The following CTNNA3 variants were observed in gnomAD, a reference collection of about 807,000 sequenced individuals.
CTNNA3 encodes the protein catenin alpha 3.
CTNNA3 carries 76 observed loss-of-function variants against 95.7 expected under a neutral mutation model. The observed-to-expected ratio is 0.79, with a 90% CI of 0.66 to 0.96. The LOEUF (loss-of-function observed/expected upper bound fraction) is 0.96, where lower values mean the gene tolerates loss of function less well. Ranked by LOEUF, CTNNA3 falls within the 40% of genes least tolerant of loss-of-function variation. The probability of loss-of-function intolerance (pLI) is 0.00; values close to 1 mark genes in which losing one functional copy is unlikely to be tolerated. For synonymous variants in CTNNA3, 431 were observed against 374.4 expected (o/e 1.15, Z -1.74); for missense variants, 1,191 against 1,089.8 (o/e 1.09, Z -1.31).
At chr10:66,448,130 C>T (rs915662725) in intron 11 of CTNNA3, among the ~76,000 whole-genome samples, 2 of 152,014 alleles carry the variant, frequency 1.3e-5, no homozygotes, top group Non-Finnish European at 2.9e-5. Context: ...CAATGAGATA[C>T]CATCTCACAC....
At chr10:67,725,944 T>C (rs1251633597) in intron 1 of CTNNA3, among the ~76,000 whole-genome samples, 1 of 115,234 alleles carries the variant, frequency 8.7e-6, no homozygotes, top group Non-Finnish European at 1.7e-5. Flanking sequence ...TAATTATTTT[T>C]AGTATATGTA....
chr10:66,743,572 C>A (rs1013745552), intron 9 of CTNNA3, among the ~76,000 whole-genome samples: 2 of 152,016 alleles, frequency 1.3e-5, no homozygotes, highest in African/African-American at 4.8e-5. Context: ...AACTATAATC[C>A]ACCTAATTGG....
intron 12 of CTNNA3, among the ~76,000 whole-genome samples, chr10:66,308,681 A>G (rs1193923459): frequency 6.6e-6 from 1 of 152,200 alleles, no homozygotes; most frequent in East Asian, 1.9e-4. Context: ...CTATTTTTTC[A>G]TAATATATGA....
At chr10:66,893,703 T>C (rs1347650270) in intron 7 of CTNNA3, among the ~76,000 whole-genome samples, 1 of 152,158 alleles carries the variant, frequency 6.6e-6, no homozygotes, top group African/African-American at 2.4e-5. Context: ...GGAAACCTAA[T>C]GTACTCAAAT....
intron 7 of CTNNA3, among the ~76,000 whole-genome samples, chr10:66,929,855 T>C (rs1417692416): frequency 6.6e-6 from 1 of 152,202 alleles, no homozygotes; most frequent in Non-Finnish European, 1.5e-5. Context: ...TTAAGGTTTT[T>C]AGAAAGATAT....
At chr10:66,148,041 T>C (rs988701705) in intron 13 of CTNNA3, among the ~76,000 whole-genome samples, 3 of 151,772 alleles carry the variant, frequency 2.0e-5, no homozygotes, top group Admixed American at 6.6e-5. Context: ...ATTTCCTATA[T>C]CCTTGATTGT....
chr10:67,761,694 C>T (rs192902970), intron 1 of CTNNA3, among the ~76,000 whole-genome samples: 2 of 151,988 alleles, frequency 1.3e-5, no homozygotes, highest in Non-Finnish European at 1.5e-5. Context: ...CTGGCTAACA[C>T]AGTGAAACCC....
intron 13 of CTNNA3, among the ~76,000 whole-genome samples, chr10:66,160,238 T>C (rs926278182): frequency 2.0e-5 from 3 of 152,114 alleles, no homozygotes; most frequent in Non-Finnish European, 4.4e-5. Flanking sequence ...TGATTTGTTC[T>C]TGTTTCTCTA....
intron 7 of CTNNA3, among the ~76,000 whole-genome samples, chr10:67,053,525 T>C (rs554987859): frequency 6.6e-6 from 1 of 152,288 alleles, no homozygotes; most frequent in East Asian, 1.9e-4. Context: ...AAGCTTGAAA[T>C]AGAGTTAGCA....
upstream of CTNNA3, among the ~76,000 whole-genome samples, chr10:67,698,714 A>G (rs2133600394): frequency 6.6e-6 from 1 of 152,334 alleles, no homozygotes; most frequent in Non-Finnish European, 1.5e-5. Flanking sequence ...AAAGCTAGGA[A>G]TAATCCCTGT....
intron 13 of CTNNA3, among the ~76,000 whole-genome samples, chr10:66,110,360 T>TAAA (rs35402161): frequency 8.6e-5 from 9 of 104,864 alleles, no homozygotes; most frequent in South Asian, 6.6e-4. Flanking sequence ...AGACTCTGTC[T>TAAA]AAAAAAAAAA....
At chr10:67,445,554 C>G (rs1030195518) in intron 5 of CTNNA3, among the ~76,000 whole-genome samples, 1 of 152,080 alleles carries the variant, frequency 6.6e-6, no homozygotes, top group Non-Finnish European at 1.5e-5. Flanking sequence ...GAAGGCAGAG[C>G]CCTCATGACC....
At chr10:67,043,249 A>T (rs992893248) in intron 7 of CTNNA3, among the ~76,000 whole-genome samples, 27 of 151,690 alleles carry the variant, frequency 1.8e-4, no homozygotes, top group African/African-American at 5.8e-4. Context: ...CATCCCACAG[A>T]TGATGAATGG....
chr10:66,782,015 T>C (rs894529541), intron 7 of CTNNA3, among the ~76,000 whole-genome samples: 2 of 152,138 alleles, frequency 1.3e-5, no homozygotes, highest in Non-Finnish European at 2.9e-5. Flanking sequence ...AATATATCTG[T>C]TATGTAAGCT....
At chr10:66,539,474 T>C (rs1417313815) in intron 10 of CTNNA3, among the ~76,000 whole-genome samples, 1 of 152,154 alleles carries the variant, frequency 6.6e-6, no homozygotes, top group African/African-American at 2.4e-5. Context: ...CTGGTCTTTA[T>C]CAGTGTGAAA....
At chr10:67,673,780 G>A (rs542020567) in intron 1 of CTNNA3, among the ~76,000 whole-genome samples, 46 of 132,230 alleles carry the variant, frequency 3.5e-4, no homozygotes, top group Middle Eastern at 8.1e-3. Context: ...GAAGTCTAGA[G>A]GTAAGAAGTT....
rs578021852 is a variant in CTNNA3, at chr10:66,079,929, G to T, written c.1978-10440C>A. The stretch of plus-strand genomic sequence containing the variant: ...ATATTAATCTATTGCCTATTTACTA[G>T]GTTTTTAAAAAGGTAAAATAAAATA... On this transcript the variant is annotated intron_variant, in intron 14 of 17. Transcript: ENST00000433211. Among the ~76,000 whole-genome samples, 182 of 151,994 alleles carry T rather than the reference G, an allele frequency of 1.2e-3. 2 individuals carry two copies. The highest frequency in any genetic ancestry group is 4.0e-3 in the African/African-American group (168 of 41,492).
intron 9 of CTNNA3, among the ~76,000 whole-genome samples, chr10:66,677,782 A>G (rs1206173968): frequency 1.3e-5 from 2 of 152,096 alleles, no homozygotes; most frequent in Non-Finnish European, 2.9e-5. Flanking sequence ...TCCTTTATAA[A>G]TTACCCGGTC....
At chr10:66,659,634 G>A (rs1382682965) in intron 9 of CTNNA3, among the ~76,000 whole-genome samples, 1 of 152,126 alleles carries the variant, frequency 6.6e-6, no homozygotes, top group East Asian at 1.9e-4. Context: ...TTTGGGAGGT[G>A]GATGGTTAAT....
Sources: allele counts gnomAD v4.1 joint callset (sites outside exome capture counted in the v4.1 genomes callset), GRCh38; gene constraint gnomAD v4.1.1; transcripts MANE v1.5; gene names NCBI Gene and HGNC (gene_info 2026-07-23, HGNC 2026-07-21).